SPTLC1: variants seen among roughly 807,000 people sequenced by gnomAD.
The protein encoded by SPTLC1 is serine palmitoyltransferase long chain base subunit 1, also known as serine palmitoyltransferase 1.
SPTLC1 carries 55 observed loss-of-function variants against 68.9 expected under a neutral mutation model. The ratio of observed to expected loss-of-function variants is 0.80; its 90% CI spans 0.64 to 1.00. The LOEUF (loss-of-function observed/expected upper bound fraction) is 1.00. Ranked by LOEUF, SPTLC1 falls within the 50% of genes least tolerant of loss-of-function variation. The probability of loss-of-function intolerance (pLI) is 0.00; values close to 1 mark genes in which losing one functional copy is unlikely to be tolerated. For synonymous variants in SPTLC1, 197 were observed against 201.6 expected (o/e 0.98, Z 0.19); for missense variants, 449 against 573.1 (o/e 0.78, Z 2.21).
chr9:92,087,202 C>T (rs1587583367), intron 3 of SPTLC1, among the ~76,000 whole-genome samples: 1 of 152,202 alleles, frequency 6.6e-6, no homozygotes, highest in African/African-American at 2.4e-5. Flanking sequence ...CCTCCTGTAG[C>T]TCAGAGTAGT....
At chr9:92,094,582 G>T (rs1835468306) in intron 3 of SPTLC1, among the ~76,000 whole-genome samples, 1 of 152,130 alleles carries the variant, frequency 6.6e-6, no homozygotes, top group African/African-American at 2.4e-5. Flanking sequence ...GCTCCACTAT[G>T]ATTTCTGAGA....
At chr9:92,079,311 G>C (rs1834794718) in intron 5 of SPTLC1, 1 of 1,117,898 alleles carries the variant, frequency 8.9e-7, no homozygotes, top group Non-Finnish European at 1.2e-6. Flanking sequence ...CCTGACCTCA[G>C]GTGATCTGCC....
intron 11 of SPTLC1, 93 bp downstream of exon 11, chr9:92,047,079 G>C: frequency 9.0e-7 from 1 of 1,109,746 alleles, no homozygotes; most frequent in Non-Finnish European, 1.4e-6. Flanking sequence ...AACCAGTTTT[G>C]TCTGGCAAAT....
intron 3 of SPTLC1, among the ~76,000 whole-genome samples, chr9:92,084,050 A>G (rs1374183437): frequency 1.3e-5 from 2 of 151,626 alleles, no homozygotes; most frequent in Non-Finnish European, 2.9e-5. Flanking sequence ...TTTGTCTGTT[A>G]TTGGTGTATA....
intron 1 of SPTLC1, among the ~76,000 whole-genome samples, chr9:92,113,739 A>T (rs1452629525): frequency 6.6e-6 from 1 of 152,224 alleles, no homozygotes; most frequent in Non-Finnish European, 1.5e-5. Context: ...GTTTCAAGAT[A>T]AAATTCCCAG....
intron 5 of SPTLC1, among the ~76,000 whole-genome samples, chr9:92,073,936 C>G (rs560222469): frequency 6.6e-6 from 1 of 152,232 alleles, no homozygotes; most frequent in African/African-American, 2.4e-5. Context: ...GGAATGCCCA[C>G]GGCCCGGGAT....
intron 12 of SPTLC1, among the ~76,000 whole-genome samples, chr9:92,039,212 A>T (rs1484873445): frequency 6.6e-6 from 1 of 152,240 alleles, no homozygotes; most frequent in Non-Finnish European, 1.5e-5. Context: ...GTTTAGATAG[A>T]AAAACGTCCT....
chr9:92,033,150 T>C (rs1833030020), intron 14 of SPTLC1, among the ~76,000 whole-genome samples: 1 of 152,216 alleles, frequency 6.6e-6, no homozygotes, highest in Non-Finnish European at 1.5e-5. Flanking sequence ...GCACACCCAG[T>C]CAGAGTGAGT....
chr9:92,094,315 T>C (rs1219593829), intron 3 of SPTLC1, among the ~76,000 whole-genome samples: 1 of 152,224 alleles, frequency 6.6e-6, no homozygotes, highest in Non-Finnish European at 1.5e-5. Context: ...AGAAACAGTG[T>C]CAATTAAAAT....
intron 1 of SPTLC1, among the ~76,000 whole-genome samples, 196 bp from the exon 2 acceptor site, chr9:92,112,758 A>G (rs544083348): frequency 9.2e-5 from 14 of 152,080 alleles, no homozygotes; most frequent in South Asian, 8.3e-4. Context: ...CACATGAAAA[A>G]CCCCTAATAT....
At chr9:92,093,335 C>T (rs1835432681) in intron 3 of SPTLC1, among the ~76,000 whole-genome samples, 1 of 152,098 alleles carries the variant, frequency 6.6e-6, no homozygotes, top group Non-Finnish European at 1.5e-5. Flanking sequence ...CAGATATTAA[C>T]TGGGAAACAA....
intron 5 of SPTLC1, chr9:92,079,322 T>C: frequency 8.2e-7 from 1 of 1,222,152 alleles, no homozygotes; most frequent in Non-Finnish European, 1.1e-6. Context: ...GTGATCTGCC[T>C]GCCTCAGCCT....
At chr9:92,102,294 C>T (rs1257182512) in intron 3 of SPTLC1, among the ~76,000 whole-genome samples, 3 of 152,310 alleles carry the variant, frequency 2.0e-5, no homozygotes, top group Admixed American at 2.0e-4. Flanking sequence ...GTGCTTCAAT[C>T]GCAAGTGAAA....
At chr9:92,089,168 TG>T (rs1480176968) in intron 3 of SPTLC1, among the ~76,000 whole-genome samples, 1 of 152,158 alleles carries the variant, frequency 6.6e-6, no homozygotes, top group East Asian at 1.9e-4. Flanking sequence ...CCCAGCACTT[TG>T]GGAGGCCGAG....
rs80297501 is a variant in SPTLC1, at chr9:92,050,595, A to G, written c.781-528T>C. ...AAGACACCTTTAAACAAAAATACAC[A>G]TAAAGCAAGTTTTGTGTCAACTGGT... On this transcript the variant is annotated intron_variant, in intron 8 of 14. Transcript: ENST00000262554. The G allele has an allele frequency of 9.0e-3, 1,411 of 157,426 alleles. 38 individuals are homozygous for G. In the East Asian group the frequency reaches 0.094, roughly 11 times the overall value. 9.8% of individuals were successfully genotyped at this position (157,426 alleles called of 1,614,324 possible).
intron 1 of SPTLC1, among the ~76,000 whole-genome samples, chr9:92,112,919 C>A (rs796105830): frequency 3.9e-5 from 6 of 152,178 alleles, no homozygotes; most frequent in African/African-American, 1.4e-4. Flanking sequence ...ACCAGCCTGA[C>A]CAACATGGAG....
At chr9:92,054,257 G>A (rs533415111) in intron 8 of SPTLC1, among the ~76,000 whole-genome samples, 2 of 151,988 alleles carry the variant, frequency 1.3e-5, no homozygotes, top group Non-Finnish European at 2.9e-5. Context: ...CTCCAGCCTG[G>A]GCAACATAAG....
chr9:92,094,812 C>T (rs1177051250), intron 3 of SPTLC1, among the ~76,000 whole-genome samples: 2 of 152,212 alleles, frequency 1.3e-5, no homozygotes, highest in African/African-American at 2.4e-5. Flanking sequence ...CTCCGGCTAT[C>T]AGTTGCCTCA....
chr9:92,105,129 G>A (rs10992231), intron 3 of SPTLC1: 56,670 of 1,533,718 alleles, frequency 0.037, 3,245 homozygotes, highest in East Asian at 0.26. Flanking sequence ...CTTGGATCAA[G>A]TAGGTCTTCT....
Sources: allele counts gnomAD v4.1 joint callset (sites outside exome capture counted in the v4.1 genomes callset), GRCh38; gene constraint gnomAD v4.1.1; transcripts MANE v1.5; gene names NCBI Gene and HGNC (gene_info 2026-07-23, HGNC 2026-07-21).